Variants in LPP observed in about 807,000 individuals in gnomAD.
The protein encoded by LPP is lipoma-preferred partner.
A neutral mutation model predicts 60.4 loss-of-function variants in LPP; 38 were observed. That is an observed-to-expected ratio of 0.63 (90% CI 0.49 to 0.83). The LOEUF is 0.83. Among genes scored for constraint, LPP ranks in the 40% least tolerant of loss-of-function variants. The pLI, the probability that LPP is intolerant of heterozygous loss-of-function variation, is 0.00. For missense variants in LPP, 902 were observed against 783.6 expected, an observed-to-expected ratio of 1.15 and a Z score of -1.80; for synonymous variants, 328 against 290.8, an observed-to-expected ratio of 1.13 and a Z score of -1.30.
intron 4 of LPP, among the ~76,000 whole-genome samples, chr3:188,468,341 A>G (rs1245315081): frequency 6.6e-6 from 1 of 152,204 alleles, no homozygotes; most frequent in Non-Finnish European, 1.5e-5. Flanking sequence ...ATTTGTCACA[A>G]CTATTCATTT....
rs547937765 is a variant in LPP, at chr3:188,796,261, C to T, written c.1410+35979C>T. On this transcript the variant is annotated intron_variant, in intron 9 of 11. Transcript: ENST00000617246. Reference sequence around the variant, plus strand: ...TTAGACATCTCCAGACAGTGCAGCACGCTGATTTGAGGAACTGAAAGAAGG... The same window carrying T: ...TTAGACATCTCCAGACAGTGCAGCATGCTGATTTGAGGAACTGAAAGAAGG... 1.9e-4 allele frequency among the ~76,000 whole-genome samples: 29 copies of T among 152,242 alleles called. No homozygotes were observed. The South Asian group carries it at 2.3e-3, about 12-fold the overall frequency.
chr3:188,872,581 C>T (rs913585482), intron 10 of LPP, 62 bp from the exon 11 acceptor site: 7 of 1,602,178 alleles, frequency 4.4e-6, no homozygotes, highest in Non-Finnish European at 6.0e-6. Context: ...TTCCTTTTAC[C>T]TCTGCGTCCC....
At chr3:188,601,993 G>C (rs980227709) in intron 6 of LPP, among the ~76,000 whole-genome samples, 2 of 149,886 alleles carry the variant, frequency 1.3e-5, no homozygotes, top group Non-Finnish European at 3.0e-5. Flanking sequence ...CCTTGAACAC[G>C]CGAGGCAGAG....
At position 188,882,132 on chromosome 3, in the gene LPP, TACTC is replaced by T. The variant is rs1560345267; in HGVS notation, c.*7655_*7658del. ...AGATCCAACCACTTAAATCTGTACT[TACTC>T]AATAGGAAGGAATGTGACATCAGGA... On this transcript the variant is annotated 3_prime_UTR_variant, in exon 12 of 12. Transcript: ENST00000617246. 9.5e-6 allele frequency: 2 copies of T among 211,264 alleles called. No individual in the cohort carries two copies. The highest frequency in any genetic ancestry group is 1.9e-5 in the Non-Finnish European group (2 of 104,364). The allele number at this position is 211,264 out of a possible 1,614,324, so 13.1% of individuals were successfully genotyped here.
At chr3:188,411,841 T>C (rs1178487525) in intron 4 of LPP, among the ~76,000 whole-genome samples, 1 of 152,198 alleles carries the variant, frequency 6.6e-6, no homozygotes, top group Non-Finnish European at 1.5e-5. Context: ...ACTGTACTAA[T>C]ATAATTTTTT....
intron 6 of LPP, among the ~76,000 whole-genome samples, chr3:188,607,116 GACACACACACACACACAC>G (rs34057522): frequency 1.7e-3 from 219 of 129,586 alleles, no homozygotes; most frequent in African/African-American, 5.1e-3. Flanking sequence ...TCTTGGTGAA[GACACACACACACACACAC>G]ACACACACAC....
chr3:188,643,524 T>C (rs769033212), intron 7 of LPP, among the ~76,000 whole-genome samples: 16 of 152,218 alleles, frequency 1.1e-4, no homozygotes, highest in Non-Finnish European at 2.4e-4. Flanking sequence ...CTGATACTCT[T>C]ACAAGAAGTG....
intron 5 of LPP, among the ~76,000 whole-genome samples, chr3:188,522,815 A>ATATGTG (rs796830660): frequency 1.5e-5 from 2 of 136,522 alleles, no homozygotes; most frequent in African/African-American, 2.8e-5. Flanking sequence ...ATATATATAT[A>ATATGTG]TGTGTATGTG....
At chr3:188,183,505 C>A (rs539512468) in intron 1 of LPP, among the ~76,000 whole-genome samples, 1 of 152,284 alleles carries the variant, frequency 6.6e-6, no homozygotes, top group South Asian at 2.1e-4. Flanking sequence ...CTTCTTGCTT[C>A]CAGTTGTGCC....
chr3:188,710,823 A>G (rs1379950058), intron 8 of LPP: 1 of 152,202 alleles, frequency 6.6e-6, no homozygotes, highest in East Asian at 1.9e-4. Context: ...CACTCTGGGA[A>G]ACAGATATAA....
chr3:188,510,159 T>C (rs1234687322), intron 5 of LPP, among the ~76,000 whole-genome samples: 1 of 152,126 alleles, frequency 6.6e-6, no homozygotes, highest in Admixed American at 6.5e-5. Flanking sequence ...AATTCTGGGG[T>C]ATAGAAATGA....
intron 3 of LPP, among the ~76,000 whole-genome samples, chr3:188,365,152 CTT>C (rs1418698474): frequency 6.9e-6 from 1 of 145,306 alleles, no homozygotes; most frequent in Admixed American, 6.9e-5. Context: ...CTTAATCTTA[CTT>C]TTCTCTCTTT....
At chr3:188,197,238 A>C (rs1729792571) in intron 1 of LPP, among the ~76,000 whole-genome samples, 1 of 152,150 alleles carries the variant, frequency 6.6e-6, no homozygotes, top group African/African-American at 2.4e-5. Flanking sequence ...AGTGCAGAGG[A>C]GACCCCTATA....
At chr3:188,244,712 A>G (rs953122243) in intron 2 of LPP, among the ~76,000 whole-genome samples, 2 of 151,396 alleles carry the variant, frequency 1.3e-5, no homozygotes, top group African/African-American at 4.9e-5. Flanking sequence ...CTGATAATCT[A>G]CCCCTCTCTC....
At chr3:188,833,830 C>A (rs1757680388) in intron 9 of LPP, among the ~76,000 whole-genome samples, 1 of 151,998 alleles carries the variant, frequency 6.6e-6, no homozygotes. Flanking sequence ...ACTGTTCATT[C>A]TTTTAACGTA....
chr3:188,673,412 T>G (rs1857348062), intron 7 of LPP, among the ~76,000 whole-genome samples: 1 of 152,194 alleles, frequency 6.6e-6, no homozygotes, highest in African/African-American at 2.4e-5. Context: ...GATAAATTAT[T>G]AAATATTTAT....
At chr3:188,451,535 A>G (rs1014175331) in intron 4 of LPP, among the ~76,000 whole-genome samples, 5 of 152,216 alleles carry the variant, frequency 3.3e-5, no homozygotes, top group African/African-American at 9.6e-5. Context: ...AAAATTGTGA[A>G]CAAAATAGAC....
At chr3:188,524,570 C>T (rs1274052412) in intron 5 of LPP, 95 bp from the exon 6 acceptor site, 4 of 1,330,424 alleles carry the variant, frequency 3.0e-6, no homozygotes, top group Non-Finnish European at 4.0e-6. Flanking sequence ...TGCAGAAAAA[C>T]TTGGACAAAG....
At chr3:188,823,265 T>C (rs1754494108) in intron 9 of LPP, among the ~76,000 whole-genome samples, 1 of 152,198 alleles carries the variant, frequency 6.6e-6, no homozygotes, top group South Asian at 2.1e-4. Context: ...ACCTTTGTCA[T>C]TTGAAGGATC....
Sources: allele counts gnomAD v4.1 joint callset (sites outside exome capture counted in the v4.1 genomes callset), GRCh38; gene constraint gnomAD v4.1.1; transcripts MANE v1.5; gene names NCBI Gene and HGNC (gene_info 2026-07-23, HGNC 2026-07-21).